Variants in AOX1 observed in about 807,000 individuals in gnomAD.
AOX1 encodes aldehyde oxidase.
AOX1 carries 153 observed loss-of-function variants against 169.5 expected under a neutral mutation model. That is an observed-to-expected ratio of 0.90 (90% CI 0.79 to 1.03). The LOEUF is 1.03. AOX1 is among the 50% of genes least tolerant of loss of function. The pLI, the probability that AOX1 is intolerant of heterozygous loss-of-function variation, is 0.00. For missense variants in AOX1, 1,656 were observed against 1,663.9 expected (o/e 1.00, Z 0.08); for synonymous variants, 562 against 581.9 (o/e 0.97, Z 0.49).
chr2:200,595,133 C>A, intron 2 of AOX1, 139 bp from the exon 3 acceptor site: 1 of 476,512 alleles, frequency 2.1e-6, no homozygotes, highest in Non-Finnish European at 3.7e-6. Context: ...GTAATTAAGA[C>A]ATAAACACAT....
At chr2:200,657,165 A>AAAAATATATATAT (rs1179205121) in intron 27 of AOX1, among the ~76,000 whole-genome samples, 1 of 88,408 alleles carries the variant, frequency 1.1e-5, no homozygotes, top group African/African-American at 5.2e-5. Context: ...CTCTACCAAA[A>AAAAATATATATAT]ATATATATAT....
intron 12 of AOX1, among the ~76,000 whole-genome samples, chr2:200,610,369 G>A (rs755837161): frequency 8.5e-5 from 13 of 152,164 alleles, no homozygotes; most frequent in Non-Finnish European, 1.6e-4. Context: ...ACAGTGCTTG[G>A]TCACAAAACT....
chr2:200,636,981 C>T lies in AOX1; in HGVS notation c.2417C>T (p.Ala806Val), dbSNP rs373370000. Residue 806 changes from alanine to valine, a missense_variant, in exon 22 of 35, where the codon GCG (alanine) becomes GTG (valine). Ala to Val is a moderately conservative substitution (Grantham distance 64). Coordinates refer to ENST00000374700, the MANE Select transcript of AOX1 (RefSeq NM_001159.4). ...VMCHVRRVGG[A>V]FGGKVLKTGI... ...TGCCATGTAAGGCGTGTTGGTGGAG[C>T]GTTTGGAGGGAAGGTGTTAAAAACC... 34 of 1,613,950 alleles carry T rather than the reference C, an allele frequency of 2.1e-5. No individual in the cohort carries two copies. The highest frequency in any genetic ancestry group is 8.9e-5 in the East Asian group (4 of 44,870).
In AOX1 at chr2:200,642,688, AC is replaced by A. The variant is rs1405472831; in HGVS notation, c.2736del (p.Asn913ThrfsTer18). 5 of 1,614,060 alleles carry A rather than the reference AC, an allele frequency of 3.1e-6. No homozygotes were observed. The highest frequency in any genetic ancestry group is 4.2e-6 in the Non-Finnish European group (5 of 1,180,024). ...CCGCTGCCGGGGTTGGGCATGCAGAACCAACCTTCCATCCAACACAGCTTTT... is the reference window on the plus strand; with the variant it reads ...CCGCTGCCGGGGTTGGGCATGCAGAACAACCTTCCATCCAACACAGCTTTT... The part of the protein sequence containing the change: ...NLRCRGWACR[T>X]NLPSNTAFRG... On this transcript the variant is annotated frameshift_variant, in exon 25 of 35. Coordinates refer to ENST00000374700, the MANE Select transcript of AOX1 (RefSeq NM_001159.4). LOFTEE classifies it high-confidence loss of function.
At chr2:200,609,488 TC>T in intron 12 of AOX1, 74 bp downstream of exon 12, 1 of 1,279,978 alleles carries the variant, frequency 7.8e-7, no homozygotes, top group Non-Finnish European at 1.1e-6. Flanking sequence ...AGGCAGGAAA[TC>T]CAGTCTTGAA....
At chr2:200,676,643 C>A (rs1559266928) in intron 4 of AOX1, among the ~76,000 whole-genome samples, 1 of 150,972 alleles carries the variant, frequency 6.6e-6, no homozygotes. Context: ...AAGAAGATAG[C>A]TTATTCCAGT....
intron 34 of AOX1, 133 bp downstream of exon 34, chr2:200,669,875 C>A: frequency 1.1e-6 from 1 of 942,588 alleles, no homozygotes; most frequent in Non-Finnish European, 1.6e-6. Context: ...AACCTGGGGG[C>A]ATTTGAGCAG....
chr2:200,627,862 A>G (rs968732465), intron 20 of AOX1, among the ~76,000 whole-genome samples: 1 of 152,178 alleles, frequency 6.6e-6, no homozygotes, highest in African/African-American at 2.4e-5. Context: ...TTGAATTGAT[A>G]GGCTTTATTA....
At position 200,659,206 on chromosome 2, in the gene AOX1, C is replaced by T; in HGVS notation, c.3213C>T (p.His1071=). Residue 1071 remains histidine, a synonymous_variant, in exon 28 of 35, where the codon CAC becomes CAT. Transcript: ENST00000374700. ...TAAGAATGCCAATGTCGAATGTCCA[C>T]CTGCGTGGAACAAGCACAGAAACTG... ...RELRMPMSNV[H]LRGTSTETVP... 4 of 1,613,960 alleles carry T rather than the reference C, an allele frequency of 2.5e-6. No homozygotes were observed. The highest frequency in any genetic ancestry group is 1.7e-4 in the Middle Eastern group (1 of 6,054).
chr2:200,671,574 A>G (rs1331193390), downstream of AOX1: 1 of 152,246 alleles, frequency 6.6e-6, no homozygotes. Context: ...CTCATTAGTC[A>G]TTAAGGAAAT....
chr2:200,604,754 G>A lies in AOX1; in HGVS notation c.728G>A (p.Trp243Ter). 1 of 1,613,944 alleles carries A rather than the reference G, an allele frequency of 6.2e-7. No individual in the cohort carries two copies. Residue 243 changes from tryptophan to a stop codon, truncating the protein, a stop_gained, in exon 9 of 35, where the codon TGG (tryptophan) becomes TAG (stop). Transcript: ENST00000374700. LOFTEE classifies it high-confidence loss of function. Reference protein sequence around the residue: ...TRVFGSERMMWFSPVTLKELL... With the variant: ...TRVFGSERMM Reference sequence around the variant, plus strand: ...GTGTTTGGCAGTGAGAGAATGATGTGGTTTTCCCCCGTGACCCTGAAGGAA... The same window carrying A: ...GTGTTTGGCAGTGAGAGAATGATGTAGTTTTCCCCCGTGACCCTGAAGGAA...
At position 200,613,469 on chromosome 2, in the gene AOX1, T is replaced by C. The variant is rs75818297; in HGVS notation, c.1449-335T>C. ...ATACATATAAGGTGCTAAAAGCAGA[T>C]CTTGGCATGCAATAAATGTCCTAGT... On this transcript the variant is annotated intron_variant, in intron 14 of 34. Transcript: ENST00000374700. 2.4e-3 allele frequency among the ~76,000 whole-genome samples: 372 copies of C among 152,310 alleles called. 4 individuals carry two copies. The highest frequency in any genetic ancestry group is 8.6e-3 in the African/African-American group (356 of 41,558).
intron 1 of AOX1, among the ~76,000 whole-genome samples, chr2:200,589,421 A>T (rs190170003): frequency 6.6e-6 from 1 of 152,312 alleles, no homozygotes. Context: ...TGGAAATCAA[A>T]GGTATGGGCC....
intron 26 of AOX1, among the ~76,000 whole-genome samples, chr2:200,651,640 C>T (rs1186879529): frequency 2.0e-5 from 3 of 152,136 alleles, no homozygotes; most frequent in African/African-American, 7.2e-5. Context: ...TGCTCCACTC[C>T]TTCTGGGTGG....
intron 26 of AOX1, among the ~76,000 whole-genome samples, chr2:200,654,339 T>G (rs537413047): frequency 2.6e-5 from 4 of 152,066 alleles, no homozygotes; most frequent in Non-Finnish European, 5.9e-5. Context: ...GCAAAAAGAT[T>G]CTGACTCTCT....
intron 26 of AOX1, among the ~76,000 whole-genome samples, chr2:200,653,622 G>A (rs149278554): frequency 6.6e-6 from 1 of 152,332 alleles, no homozygotes; most frequent in Non-Finnish European, 1.5e-5. Context: ...CTGAGCAGAG[G>A]CAGTCCCTGC....
At chr2:200,629,308 C>A (rs1255286942) in intron 20 of AOX1, among the ~76,000 whole-genome samples, 1 of 152,126 alleles carries the variant, frequency 6.6e-6, no homozygotes, top group East Asian at 1.9e-4. Flanking sequence ...AAAACAATTT[C>A]AAATGTGAAT....
rs760242598 is a variant in AOX1, at chr2:200,656,851, T to C, written c.3085T>C (p.Leu1029=). 2 of 1,580,724 alleles carry C rather than the reference T, an allele frequency of 1.3e-6. No homozygotes were observed. The highest frequency in any genetic ancestry group is 1.4e-5 in the African/African-American group (1 of 73,618). The change falls in exon 27 of 35, where the codon TTG becomes CTG. Residue 1029 remains leucine (L), a synonymous_variant. Coordinates refer to ENST00000374700, the MANE Select transcript of AOX1 (RefSeq NM_001159.4). The part of the protein sequence containing the change: ...GSRAAGQAAA[L]VHIYLDGSVL... The stretch of plus-strand genomic sequence containing the variant: ...CGTCTTTTCTGCTCAGGCTGCTGCC[T>C]TGGTTCACATTTATCTTGATGGCTC...
rs113838077 is a variant in AOX1, at chr2:200,599,490, C to T, written c.310-130C>T. ...GAGGTGCCTGGGATGAGAAGGGCTC[C>T]CAGGGGCCTCTGCTGCAATCTTAAC... is the stretch of plus-strand genomic sequence containing the variant. On this transcript the variant is annotated intron_variant, in intron 4 of 34. Transcript: ENST00000374700. 4.5e-4 allele frequency: 315 copies of T among 693,984 alleles called. 1 individual carries two copies. Among genetic ancestry groups the T allele is most frequent in the African/African-American group, 4.3e-3 (231 of 54,060 alleles). 43.0% of individuals were successfully genotyped at this position (693,984 alleles called of 1,614,324 possible).
Sources: allele counts gnomAD v4.1 joint callset (sites outside exome capture counted in the v4.1 genomes callset), GRCh38; gene constraint gnomAD v4.1.1; transcripts MANE v1.5; gene names NCBI Gene and HGNC (gene_info 2026-07-23, HGNC 2026-07-21).